The following GLI2 variants were observed in gnomAD, a reference collection of about 807,000 sequenced individuals.
GLI2 encodes transcription activator GLI2.
GLI2 carries 22 observed loss-of-function variants against 78.9 expected under a neutral mutation model. The ratio of observed to expected loss-of-function variants is 0.28; its 90% CI spans 0.20 to 0.40. GLI2 has a LOEUF of 0.40. Among genes scored for constraint, GLI2 ranks in the 10% least tolerant of loss-of-function variants. The pLI is 1.00. For missense variants in GLI2, 2,097 were observed against 2,213.2 expected (o/e 0.95, Z 1.05); for synonymous variants, 974 against 963.7 (o/e 1.01, Z -0.20).
chr2:120,989,383 C>T lies in GLI2; in HGVS notation c.3418C>T (p.Leu1140=), dbSNP rs141988240. The T allele has an allele frequency of 2.1e-4, 341 of 1,612,908 alleles. No individual in the cohort carries two copies. The highest frequency in any genetic ancestry group is 2.3e-4 in the Non-Finnish European group (275 of 1,179,984). ...NEVSSGTVDA[L]ASQVKPPPFP... is the part of the protein sequence containing the mutation. ...GGTGAGCTCCGGCACCGTAGACGCCCTGGCCAGCCAGGTGAAGCCTCCACC... is the reference window on the plus strand; with the variant it reads ...GGTGAGCTCCGGCACCGTAGACGCCTTGGCCAGCCAGGTGAAGCCTCCACC... Residue 1140 remains leucine, a synonymous_variant, in exon 14 of 14, where the codon CTG becomes TTG. Coordinates refer to ENST00000361492, the MANE Select transcript of GLI2 (RefSeq NM_001374353.1).
At position 120,990,004 on chromosome 2, in the gene GLI2, G is replaced by A. The variant is rs878895919; in HGVS notation, c.4039G>A (p.Ala1347Thr). The change falls in exon 14 of 14, where the codon GCA becomes ACA. Residue 1347 changes from alanine to threonine, a missense_variant. Ala to Thr is a moderately conservative substitution (Grantham distance 58). Transcript: ENST00000361492. Reference protein sequence around the residue: ...PQTGPMGVATAGFGLVQPRPP... With the variant: ...PQTGPMGVATTGFGLVQPRPP... ...AACAGGCCCGATGGGGGTGGCTACA[G>A]CAGGCTTTGGCCTAGTGCAGCCCCG... 1.9e-6 allele frequency: 3 copies of A among 1,609,254 alleles called. No individual in the cohort carries two copies. The highest frequency in any genetic ancestry group is 3.4e-5 in the Admixed American group (2 of 59,654).
At chr2:120,945,957 T>TCACTCACACACACACACA (rs1680687432) in intron 3 of GLI2, among the ~76,000 whole-genome samples, 1 of 134,158 alleles carries the variant, frequency 7.5e-6, no homozygotes, top group Non-Finnish European at 1.6e-5. Flanking sequence ...CATAACCTTC[T>TCACTCACACACACACACA]CACACACACA....
chr2:120,983,738 C>T (rs1381929556), intron 11 of GLI2, among the ~76,000 whole-genome samples: 6 of 152,196 alleles, frequency 3.9e-5, no homozygotes, highest in African/African-American at 1.2e-4. Context: ...CAGGCTTACT[C>T]GGAAATGTAT....
chr2:120,874,145 C>T (rs1688608818), intron 2 of GLI2, among the ~76,000 whole-genome samples: 1 of 152,158 alleles, frequency 6.6e-6, no homozygotes, highest in African/African-American at 2.4e-5. Context: ...CGCCTGGTGC[C>T]TCCTTTTCAG....
intron 8 of GLI2, among the ~76,000 whole-genome samples, chr2:120,972,966 T>C (rs1682263369): frequency 6.6e-6 from 1 of 151,962 alleles, no homozygotes. Flanking sequence ...AAGCCCCTGG[T>C]CCCCCAAGCC....
intron 1 of GLI2, among the ~76,000 whole-genome samples, chr2:120,785,064 C>T (rs956489490): frequency 4.6e-5 from 7 of 152,202 alleles, no homozygotes; most frequent in Admixed American, 1.3e-4. Flanking sequence ...GTCAAACCCT[C>T]CTGGCCTCCT....
intron 1 of GLI2, among the ~76,000 whole-genome samples, chr2:120,742,699 A>G (rs1298853759): frequency 3.2e-5 from 4 of 126,790 alleles, no homozygotes; most frequent in Non-Finnish European, 7.1e-5. Flanking sequence ...GGAAAGAGGG[A>G]AAGAGAAAAA....
Position 120,765,460 on chromosome 2 carries a change from A to G in GLI2, c.-31+29175A>G, listed in dbSNP as rs534704774. On this transcript the variant is annotated intron_variant, in intron 1 of 13. Transcript: ENST00000361492. ...TCAAATGCAGGAACTGGAGGCAGCAAGAAGGCCTGGTGTTGGGAGAGCCGG... is the reference window on the plus strand; with the variant it reads ...TCAAATGCAGGAACTGGAGGCAGCAGGAAGGCCTGGTGTTGGGAGAGCCGG... 4.6e-5 allele frequency among the ~76,000 whole-genome samples: 7 copies of G among 152,352 alleles called. No individual in the cohort carries two copies. The South Asian group carries it at 1.4e-3, about 32-fold the overall frequency.
At chr2:120,765,293 C>G (rs1450844259) in intron 1 of GLI2, among the ~76,000 whole-genome samples, 1 of 152,266 alleles carries the variant, frequency 6.6e-6, no homozygotes, top group East Asian at 1.9e-4. Context: ...GCCGCCTGTC[C>G]TTTTCCTTGC....
intron 1 of GLI2, 90 bp downstream of exon 1, chr2:120,736,375 G>T (rs1464825927): frequency 6.6e-6 from 1 of 152,228 alleles, no homozygotes; most frequent in East Asian, 2.0e-4. Flanking sequence ...ATGCTGCGCC[G>T]TCTCGGGGGG....
intron 2 of GLI2, among the ~76,000 whole-genome samples, chr2:120,825,255 A>G (rs755122770): frequency 2.2e-4 from 33 of 152,220 alleles, no homozygotes; most frequent in Non-Finnish European, 3.7e-4. Context: ...AGGTTTTACA[A>G]ATACATGATA....
At chr2:120,818,355 AAG>A (rs1309270081) in intron 2 of GLI2, among the ~76,000 whole-genome samples, 2 of 152,234 alleles carry the variant, frequency 1.3e-5, no homozygotes, top group Non-Finnish European at 2.9e-5. Context: ...AGCCCCTGGG[AAG>A]GAGTGTGGAC....
At chr2:120,846,068 G>T (rs1687099750) in intron 2 of GLI2, among the ~76,000 whole-genome samples, 4 of 152,186 alleles carry the variant, frequency 2.6e-5, no homozygotes, top group African/African-American at 7.2e-5. Context: ...CACTAGGGGG[G>T]TCCGAAGCAC....
chr2:120,780,403 A>G (rs1222127922), intron 1 of GLI2, among the ~76,000 whole-genome samples: 1 of 152,220 alleles, frequency 6.6e-6, no homozygotes, highest in Non-Finnish European at 1.5e-5. Context: ...ACCCTTGCCC[A>G]GTGTGAAAGG....
chr2:120,770,075 A>T (rs1318661023), intron 1 of GLI2, among the ~76,000 whole-genome samples: 1 of 152,154 alleles, frequency 6.6e-6, no homozygotes, highest in African/African-American at 2.4e-5. Flanking sequence ...CCCTAGTGAT[A>T]ATCACTGTTT....
chr2:120,865,589 G>A (rs552718057), intron 2 of GLI2, among the ~76,000 whole-genome samples: 95 of 152,274 alleles, frequency 6.2e-4, no homozygotes, highest in African/African-American at 2.2e-3. Flanking sequence ...TTGCTGACCC[G>A]GGAGCGTTGG....
At chr2:120,862,086 A>G (rs1186886646) in intron 2 of GLI2, among the ~76,000 whole-genome samples, 1 of 152,184 alleles carries the variant, frequency 6.6e-6, no homozygotes, top group African/African-American at 2.4e-5. Context: ...CCTGCAAGAA[A>G]CAACTAAGAA....
chr2:120,955,148 T>G, intron 4 of GLI2, 97 bp from the exon 5 acceptor site: 2 of 746,456 alleles, frequency 2.7e-6, no homozygotes, highest in South Asian at 3.1e-5. Flanking sequence ...TGCATTTCTC[T>G]CTGCCTTTTT....
At chr2:120,974,779 AGTGTGTGTGTGTGTGT>A in intron 8 of GLI2, 180 bp from the exon 9 acceptor site, 1 of 648,962 alleles carries the variant, frequency 1.5e-6, no homozygotes, top group South Asian at 1.7e-5. Context: ...AAGGCTGATG[AGTGTGTGTGTGTGTGT>A]GTGTGTGTCT....
Sources: allele counts gnomAD v4.1 joint callset (sites outside exome capture counted in the v4.1 genomes callset), GRCh38; gene constraint gnomAD v4.1.1; transcripts MANE v1.5; gene names NCBI Gene and HGNC (gene_info 2026-07-23, HGNC 2026-07-21).